Variants in NUDT7 observed in about 807,000 individuals in gnomAD.
The protein encoded by NUDT7 is nudix hydrolase 7, also known as peroxisomal coenzyme A diphosphatase NUDT7.
In NUDT7, 19 loss-of-function variants were observed where a neutral mutation model predicts 13.1. The observed-to-expected ratio is 1.45, with a 90% CI of 1.01 to 2.13. The LOEUF is 2.13. NUDT7 is among the 30% of genes most tolerant of loss of function. The pLI, the probability that NUDT7 is intolerant of heterozygous loss-of-function variation, is 0.00. For synonymous variants in NUDT7, 132 were observed against 109.7 expected (o/e 1.20, Z -1.27); for missense variants, 360 against 291.7 (o/e 1.23, Z -1.71).
chr16:77,736,574 T>A (rs1018977132), intron 3 of NUDT7: 1 of 185,540 alleles, frequency 5.4e-6, no homozygotes, highest in South Asian at 9.1e-5. Flanking sequence ...ATCAAAACAT[T>A]TAAAATATTT....
intron 2 of NUDT7, among the ~76,000 whole-genome samples, chr16:77,729,439 C>CTA (rs764265043): frequency 7.9e-5 from 12 of 151,894 alleles, no homozygotes; most frequent in Admixed American, 2.6e-4. Flanking sequence ...TAACATATTA[C>CTA]TATACATATT....
chr16:77,741,342 T>C (rs1473977632), intron 3 of NUDT7: 5 of 413,340 alleles, frequency 1.2e-5, no homozygotes, highest in Admixed American at 8.2e-5. Context: ...TTCCAAAAGA[T>C]TGTACTACTT....
At chr16:77,731,662 G>T (rs2014322552) in intron 2 of NUDT7, among the ~76,000 whole-genome samples, 1 of 152,092 alleles carries the variant, frequency 6.6e-6, no homozygotes, top group Middle Eastern at 3.2e-3. Flanking sequence ...CTATAAAGCA[G>T]CCTTAGTAAG....
At position 77,741,696 on chromosome 16, in the gene NUDT7, C is replaced by T. The variant is rs1234794358; in HGVS notation, c.463C>T (p.Pro155Ser). The change falls in exon 4 of 4, where the codon CCA becomes TCA. Residue 155 changes from proline (P) to serine (S), a missense_variant. By Grantham distance (74) the Pro-to-Ser change is moderately conservative (BLOSUM62 -1). Coordinates refer to ENST00000268533, the MANE Select transcript of NUDT7 (RefSeq NM_001105663.3). ...GGTGCCTCTGGCCTATTTCCTGCAT[C>T]CACAGGTCCATGACCAGCATTACGT... ...FLVPLAYFLH[P>S]QVHDQHYVTR... 1.2e-6 allele frequency: 2 copies of T among 1,614,154 alleles called. No individual in the cohort carries two copies. The highest frequency in any genetic ancestry group is 1.7e-6 in the Non-Finnish European group (2 of 1,180,030).
chr16:77,741,266 T>C lies in NUDT7; in HGVS notation c.349-316T>C, dbSNP rs1293606732. ...TTTTCTTACTGGTAGGAATTTATCA[T>C]ACAGATACACAAATGCAATTCCCAG... On this transcript the variant is annotated intron_variant, in intron 3 of 3. Transcript: ENST00000268533. 3.9e-5 allele frequency among the ~76,000 whole-genome samples: 6 copies of C among 152,208 alleles called. No individual in the cohort carries two copies. The East Asian group carries it at 1.2e-3, about 29-fold the overall frequency.
chr16:77,735,888 G>A lies in NUDT7; in HGVS notation c.250G>A (p.Asp84Asn), dbSNP rs1334919485. ...AGGTAAGCGTGACCCTACAGACATG[G>A]ATGATGCAGCCACAGCTCTCCGGGA... ...PGGKRDPTDM[D>N]DAATALREAQ... The change falls in exon 3 of 4, where the codon GAT becomes AAT. Residue 84 changes from aspartate (D) to asparagine (N), a missense_variant. Physicochemically the swap from Asp to Asn is conservative, Grantham distance 23 (BLOSUM62 1). Coordinates refer to ENST00000268533, the MANE Select transcript of NUDT7 (RefSeq NM_001105663.3). 6.2e-7 allele frequency: 1 copy of A among 1,614,108 alleles called. No individual in the cohort carries two copies. Among genetic ancestry groups the A allele is most frequent in the Admixed American group, 1.7e-5 (1 of 60,022 alleles).
intron 2 of NUDT7, among the ~76,000 whole-genome samples, chr16:77,733,233 G>T (rs1463910207): frequency 2.6e-5 from 4 of 152,198 alleles, no homozygotes; most frequent in Non-Finnish European, 5.9e-5. Flanking sequence ...ACCTTAGACT[G>T]GGTGGCTTAT....
At chr16:77,733,092 T>G (rs1224266413) in intron 2 of NUDT7, among the ~76,000 whole-genome samples, 4 of 152,152 alleles carry the variant, frequency 2.6e-5, no homozygotes, top group Non-Finnish European at 5.9e-5. Flanking sequence ...TCTGCAGTGT[T>G]CCTGATTTAT....
chr16:77,731,783 G>C (rs1182901256), intron 2 of NUDT7, among the ~76,000 whole-genome samples: 1 of 152,012 alleles, frequency 6.6e-6, no homozygotes, highest in Non-Finnish European at 1.5e-5. Context: ...AGAGGTAGAG[G>C]TAGAAGACAG....
chr16:77,724,655 G>C, intron 1 of NUDT7, among the ~76,000 whole-genome samples: 1 of 152,134 alleles, frequency 6.6e-6, no homozygotes, highest in East Asian at 1.9e-4. Flanking sequence ...TCTGAATAAA[G>C]TCACACTCTG....
chr16:77,734,712 A>G (rs76937123), intron 2 of NUDT7, among the ~76,000 whole-genome samples: 2,207 of 151,364 alleles, frequency 0.015, 54 homozygotes, highest in African/African-American at 0.051. Flanking sequence ...AATACTATTC[A>G]GCCATAAAAA....
chr16:77,731,151 C>T (rs2014306074), intron 2 of NUDT7, among the ~76,000 whole-genome samples: 1 of 152,014 alleles, frequency 6.6e-6, no homozygotes, highest in African/African-American at 2.4e-5. Flanking sequence ...AAAATCATTG[C>T]CCAGCTCAAG....
At chr16:77,725,248 T>G (rs78791530) in intron 1 of NUDT7, among the ~76,000 whole-genome samples, 183 bp from the exon 2 acceptor site, 1 of 152,228 alleles carries the variant, frequency 6.6e-6, no homozygotes, top group Non-Finnish European at 1.5e-5. Context: ...TTTGTCATTT[T>G]CATCTTGCGA....
At chr16:77,735,486 T>C in intron 2 of NUDT7, 2 of 642,494 alleles carry the variant, frequency 3.1e-6, no homozygotes, top group Non-Finnish European at 5.6e-6. Context: ...AGCATCATGC[T>C]CCCTGTACGG....
At chr16:77,739,188 A>G (rs2014581245) in intron 3 of NUDT7, among the ~76,000 whole-genome samples, 2 of 152,228 alleles carry the variant, frequency 1.3e-5, no homozygotes, top group African/African-American at 4.8e-5. Flanking sequence ...AGGATCTCAC[A>G]GGGTGAGTCC....
chr16:77,729,607 C>T (rs2014248571), intron 2 of NUDT7, among the ~76,000 whole-genome samples: 2 of 152,140 alleles, frequency 1.3e-5, no homozygotes, highest in Admixed American at 6.6e-5. Flanking sequence ...GTGGGGATCA[C>T]CTGAGGTCAG....
chr16:77,722,698 G>A (rs2013996597), intron 1 of NUDT7, 81 bp downstream of exon 1: 3 of 1,402,634 alleles, frequency 2.1e-6, no homozygotes, highest in African/African-American at 2.9e-5. Context: ...GGGCCTTTTG[G>A]CCGGGACTGA....
Position 77,741,730 on chromosome 16 carries a change from T to C in NUDT7, c.497T>C (p.Leu166Pro). Reference sequence around the variant, plus strand: ...CATGACCAGCATTACGTCACACGTCTTGGTCACCGTTTTATTAATCATATC... The same window carrying C: ...CATGACCAGCATTACGTCACACGTCCTGGTCACCGTTTTATTAATCATATC... Reference protein sequence around the residue: ...QVHDQHYVTRLGHRFINHIFE... With the variant: ...QVHDQHYVTRPGHRFINHIFE... The change falls in exon 4 of 4, where the codon CTT (leucine) becomes CCT (proline). Residue 166 changes from leucine (L) to proline (P), a missense_variant. By Grantham distance (98) the Leu-to-Pro change is moderately conservative (BLOSUM62 -3). Coordinates refer to ENST00000268533, the MANE Select transcript of NUDT7 (RefSeq NM_001105663.3). The C allele has an allele frequency of 6.2e-7, 1 of 1,614,138 alleles. No homozygotes were observed. The highest frequency in any genetic ancestry group is 8.5e-7 in the Non-Finnish European group (1 of 1,180,010).
chr16:77,724,600 A>G (rs1447238868), intron 1 of NUDT7, among the ~76,000 whole-genome samples: 2 of 152,158 alleles, frequency 1.3e-5, no homozygotes, highest in African/African-American at 2.4e-5. Context: ...GACAACAGTC[A>G]TTGGATTTAG....
Sources: gnomAD v4.1 joint callset for allele counts (sites outside exome capture counted in the v4.1 genomes callset) on GRCh38, gnomAD v4.1.1 for gene constraint, MANE v1.5 for transcripts, NCBI Gene and HGNC (gene_info 2026-07-23, HGNC 2026-07-21) for gene names.